Variants in UBE2W observed in about 807,000 individuals in gnomAD.
UBE2W encodes ubiquitin-conjugating enzyme E2 W.
Under a neutral mutation model 27.2 loss-of-function variants are expected in UBE2W, and 18 were observed. The observed-to-expected ratio is 0.66, with a 90% CI of 0.46 to 0.98. The LOEUF is 0.98. UBE2W is among the 50% of genes least tolerant of loss of function. The pLI, the probability that UBE2W is intolerant of heterozygous loss-of-function variation, is 0.00. For synonymous variants in UBE2W, 53 were observed against 57.2 expected (o/e 0.93, Z 0.33); for missense variants, 90 against 180.2 (o/e 0.50, Z 2.87).
chr8:73,803,084 G>A (rs182708780), intron 5 of UBE2W, among the ~76,000 whole-genome samples: 1 of 151,194 alleles, frequency 6.6e-6, no homozygotes, highest in East Asian at 2.0e-4. Flanking sequence ...GGGCATGGTG[G>A]CGCGCCTGTA....
chr8:73,809,622 G>A (rs917373384), intron 4 of UBE2W, among the ~76,000 whole-genome samples: 5 of 152,088 alleles, frequency 3.3e-5, no homozygotes, highest in African/African-American at 4.8e-5. Flanking sequence ...GTCTCGCTCT[G>A]TCACCCAGGC....
At chr8:73,822,758 T>G (rs916090454) in intron 3 of UBE2W, among the ~76,000 whole-genome samples, 1 of 151,856 alleles carries the variant, frequency 6.6e-6, no homozygotes. Context: ...CACTCCAACC[T>G]GGGTGACAAA....
intron 1 of UBE2W, among the ~76,000 whole-genome samples, chr8:73,864,364 G>C (rs909238744): frequency 6.6e-6 from 1 of 152,224 alleles, no homozygotes; most frequent in African/African-American, 2.4e-5. Context: ...CCGGGTGACA[G>C]AGTGAGACTG....
intron 1 of UBE2W, among the ~76,000 whole-genome samples, chr8:73,874,892 T>C (rs776362243): frequency 1.3e-5 from 2 of 152,022 alleles, no homozygotes; most frequent in African/African-American, 2.4e-5. Flanking sequence ...GTGAAACCTG[T>C]CTCTACAAAA....
At chr8:73,858,227 G>A (rs1379033941) in intron 1 of UBE2W, among the ~76,000 whole-genome samples, 1 of 151,898 alleles carries the variant, frequency 6.6e-6, no homozygotes. Flanking sequence ...CGGGTGTGGT[G>A]GTGCACACCT....
In UBE2W at chr8:73,788,305, T is replaced by A; in HGVS notation, c.*5797A>T. The A allele has an allele frequency of 1.0e-6, 1 of 984,602 alleles. No homozygotes were observed. Among genetic ancestry groups the A allele is most frequent in the East Asian group, 1.1e-4 (1 of 8,814 alleles). The allele number at this position is 984,602 out of a possible 1,614,324, so 61.0% of individuals were successfully genotyped here. A position where few individuals can be genotyped will look rare whatever the true frequency, so the allele number is the denominator to read the frequency against. Reference sequence around the variant, plus strand: ...TTACATATTTTGCAACTTGAGTTTATAAAATATATACATCCACCCTATTCA... The same window carrying A: ...TTACATATTTTGCAACTTGAGTTTAAAAAATATATACATCCACCCTATTCA... On this transcript the variant is annotated 3_prime_UTR_variant, in exon 6 of 6. Coordinates refer to ENST00000602593, the MANE Select transcript of UBE2W (RefSeq NM_018299.6).
intron 1 of UBE2W, among the ~76,000 whole-genome samples, chr8:73,846,551 T>G (rs1810810023): frequency 1.3e-5 from 2 of 152,238 alleles, no homozygotes; most frequent in South Asian, 4.1e-4. Flanking sequence ...ACAGGATTTT[T>G]AGGAATACTG....
chr8:73,835,504 A>G (rs536163934), intron 1 of UBE2W, among the ~76,000 whole-genome samples: 193 of 152,242 alleles, frequency 1.3e-3, no homozygotes, highest in African/African-American at 4.5e-3. Context: ...GTACTTTGGG[A>G]GGCCGAGGTG....
In UBE2W at chr8:73,791,430, T is replaced by C. The variant is rs1808191078; in HGVS notation, c.*2672A>G. ...AAGAGTGTACCTTATCTTCTAAGTA[T>C]GAAAGTCTAATTCTGTAGGCCTATG... is the stretch of plus-strand genomic sequence containing the variant. On this transcript the variant is annotated 3_prime_UTR_variant, in exon 6 of 6. Transcript: ENST00000602593. 1.0e-6 allele frequency: 1 copy of C among 985,218 alleles called. No homozygotes were observed. The highest frequency in any genetic ancestry group is 1.2e-6 in the Non-Finnish European group (1 of 829,782). The allele number at this position is 985,218 out of a possible 1,614,324, so 61.0% of individuals were successfully genotyped here. A position where few individuals can be genotyped will look rare whatever the true frequency, so the allele number is the denominator to read the frequency against.
At chr8:73,819,300 C>A (rs557151051) in intron 3 of UBE2W, among the ~76,000 whole-genome samples, 3 of 152,330 alleles carry the variant, frequency 2.0e-5, no homozygotes, top group Non-Finnish European at 2.9e-5. Context: ...ATGCAAACTC[C>A]ATATAAGCAG....
intron 1 of UBE2W, among the ~76,000 whole-genome samples, chr8:73,837,345 T>C (rs576317673): frequency 9.3e-4 from 141 of 152,222 alleles, no homozygotes; most frequent in African/African-American, 3.2e-3. Context: ...AAACCCTGTC[T>C]CTACTAAAAA....
chr8:73,824,323 G>C (rs1179772331), intron 3 of UBE2W, among the ~76,000 whole-genome samples: 3 of 152,044 alleles, frequency 2.0e-5, no homozygotes, highest in Non-Finnish European at 4.4e-5. Flanking sequence ...AACTCACTGG[G>C]CATCAAATTA....
chr8:73,841,839 A>G (rs533892647), intron 1 of UBE2W, among the ~76,000 whole-genome samples: 19 of 152,360 alleles, frequency 1.2e-4, no homozygotes, highest in Admixed American at 3.9e-4. Flanking sequence ...ACCTGAAACT[A>G]TGATCCCTCA....
chr8:73,855,394 C>CTTTTTTTTT (rs66577299), intron 1 of UBE2W, among the ~76,000 whole-genome samples: 9 of 84,708 alleles, frequency 1.1e-4, no homozygotes, highest in African/African-American at 2.6e-4. Context: ...ATTCTACTTT[C>CTTTTTTTTT]TTTTTTTTTT....
At chr8:73,840,348 A>G (rs1323532847) in intron 1 of UBE2W, among the ~76,000 whole-genome samples, 2 of 152,178 alleles carry the variant, frequency 1.3e-5, no homozygotes, top group Non-Finnish European at 2.9e-5. Context: ...GAGACACCAC[A>G]TCCAGCCAAA....
chr8:73,783,482 C>CT (rs1563558228), downstream of UBE2W, among the ~76,000 whole-genome samples: 3 of 152,246 alleles, frequency 2.0e-5, no homozygotes, highest in South Asian at 6.2e-4. Context: ...GCCTTGGCAT[C>CT]TTTTTTTGAA....
At position 73,790,516 on chromosome 8, in the gene UBE2W, T is replaced by C. The variant is rs138472291; in HGVS notation, c.*3586A>G. ...AATTTACATACACAATTACAAATAA[T>C]TGTAAATTTTAAGCATTCAGCTAAG... is the stretch of plus-strand genomic sequence containing the variant. On this transcript the variant is annotated 3_prime_UTR_variant, in exon 6 of 6. Transcript: ENST00000602593. 1.8e-5 allele frequency: 18 copies of C among 984,376 alleles called. No homozygotes were observed. In the Admixed American group the frequency reaches 2.5e-4, roughly 13 times the overall value. 61.0% of individuals were successfully genotyped at this position (984,376 alleles called of 1,614,324 possible).
intron 1 of UBE2W, among the ~76,000 whole-genome samples, chr8:73,838,215 G>C (rs1810386917): frequency 6.6e-6 from 1 of 152,140 alleles, no homozygotes; most frequent in Non-Finnish European, 1.5e-5. Flanking sequence ...CTAGCAGCCA[G>C]CTCCCTTTCT....
At chr8:73,845,795 C>A (rs1005971384) in intron 1 of UBE2W, among the ~76,000 whole-genome samples, 1 of 151,622 alleles carries the variant, frequency 6.6e-6, no homozygotes, top group African/African-American at 2.4e-5. Flanking sequence ...TAGAAGGCTA[C>A]CATTTTAAGA....
Sources: allele counts gnomAD v4.1 joint callset (sites outside exome capture counted in the v4.1 genomes callset), GRCh38; gene constraint gnomAD v4.1.1; transcripts MANE v1.5; gene names NCBI Gene and HGNC (gene_info 2026-07-23, HGNC 2026-07-21).